The following SLC71A2 variants were observed in gnomAD, a reference collection of about 807,000 sequenced individuals.
The protein encoded by SLC71A2 is solute carrier family 71 member 2.
At chr9:94,429,301 T>G in the SLC71A2 span, 2 of 1,532,060 alleles carry the variant, frequency 1.3e-6, no homozygotes, top group Non-Finnish European at 1.8e-6. Context: ...TCAGGAATCC[T>G]TGGTAGTTTA....
chr9:94,438,587 C>T, the SLC71A2 span: 1 of 1,601,394 alleles, frequency 6.2e-7, no homozygotes. Flanking sequence ...GTAAATTATA[C>T]TTATATTTGC....
chr9:94,431,182 G>A, the SLC71A2 span, among the ~76,000 whole-genome samples: 5 of 152,090 alleles, frequency 3.3e-5, no homozygotes, highest in Admixed American at 2.0e-4. Context: ...TCGTGGTGGC[G>A]GGCCCCTGTA....
At chr9:94,454,368 ATT>A in the SLC71A2 span, among the ~76,000 whole-genome samples, 4 of 151,066 alleles carry the variant, frequency 2.6e-5, no homozygotes, top group Non-Finnish European at 5.9e-5. Context: ...GCATATGCCA[ATT>A]TTTTTTTCTT....
the SLC71A2 span, among the ~76,000 whole-genome samples, chr9:94,379,418 C>T: frequency 8.3e-6 from 1 of 119,906 alleles, no homozygotes; most frequent in Non-Finnish European, 1.9e-5. Flanking sequence ...GGTGAGGCCT[C>T]ACTCTGTCAT....
the SLC71A2 span, among the ~76,000 whole-genome samples, chr9:94,416,303 TC>T: frequency 6.6e-6 from 1 of 151,956 alleles, no homozygotes; most frequent in Non-Finnish European, 1.5e-5. Context: ...TTGCTTGAGC[TC>T]AGGAGTTCAA....
chr9:94,417,904 T>TAGAGTTC, the SLC71A2 span, among the ~76,000 whole-genome samples: 1 of 104,794 alleles, frequency 9.5e-6, no homozygotes, highest in Non-Finnish European at 1.8e-5. Context: ...TCACCCAGGC[T>TAGAGTTC]AGAGTTCAGT....
the SLC71A2 span, among the ~76,000 whole-genome samples, chr9:94,398,244 T>G: frequency 2.0e-5 from 3 of 149,960 alleles, no homozygotes; most frequent in African/African-American, 7.5e-5. Context: ...AAAACACTTA[T>G]GTTCCTGGAC....
chr9:94,459,509 G>C, the SLC71A2 span: 1 of 1,348,828 alleles, frequency 7.4e-7, no homozygotes, highest in Non-Finnish European at 1.0e-6. Flanking sequence ...GGAGACGCTA[G>C]CGGCATCCTT....
the SLC71A2 span, among the ~76,000 whole-genome samples, chr9:94,437,906 C>T: frequency 2.0e-4 from 30 of 146,414 alleles, 1 homozygote; most frequent in African/African-American, 6.1e-4. Context: ...AGAACATTTA[C>T]ATTTTTGGTT....
At chr9:94,404,182 C>T in the SLC71A2 span, among the ~76,000 whole-genome samples, 3 of 152,230 alleles carry the variant, frequency 2.0e-5, no homozygotes, top group Admixed American at 2.0e-4. Context: ...CCTGTTATAG[C>T]AGCACAAAAC....
At chr9:94,421,726 GT>G in the SLC71A2 span, among the ~76,000 whole-genome samples, 1 of 152,056 alleles carries the variant, frequency 6.6e-6, no homozygotes, top group Non-Finnish European at 1.5e-5. Flanking sequence ...GAACTTGATT[GT>G]TCCAGTTTGT....
At chr9:94,382,381 C>A in the SLC71A2 span, among the ~76,000 whole-genome samples, 1 of 151,236 alleles carries the variant, frequency 6.6e-6, no homozygotes, top group African/African-American at 2.4e-5. Context: ...CTGTTCTTGT[C>A]TTTTGCCTAT....
chr9:94,455,735 T>A, the SLC71A2 span, among the ~76,000 whole-genome samples: 17 of 152,158 alleles, frequency 1.1e-4, no homozygotes, highest in African/African-American at 3.6e-4. Context: ...AAGACTCTTA[T>A]TGAGAGGAGG....
the SLC71A2 span, among the ~76,000 whole-genome samples, chr9:94,403,093 T>G: frequency 6.6e-6 from 1 of 152,186 alleles, no homozygotes; most frequent in Non-Finnish European, 1.5e-5. Flanking sequence ...GTACCTCATA[T>G]AAGTGAAATT....
the SLC71A2 span, among the ~76,000 whole-genome samples, chr9:94,456,666 A>G: frequency 1.3e-5 from 2 of 152,218 alleles, no homozygotes; most frequent in Non-Finnish European, 2.9e-5. Flanking sequence ...ACAGATGTCT[A>G]TTAAATAATG....
the SLC71A2 span, among the ~76,000 whole-genome samples, chr9:94,440,713 T>C: frequency 2.2e-4 from 33 of 152,264 alleles, no homozygotes; most frequent in East Asian, 3.7e-3. Flanking sequence ...TTTAAAAATA[T>C]AACTTTTACC....
At chr9:94,403,050 T>C in the SLC71A2 span, among the ~76,000 whole-genome samples, 1 of 152,234 alleles carries the variant, frequency 6.6e-6, no homozygotes, top group African/African-American at 2.4e-5. Context: ...TAGTCACTAT[T>C]CTACTTACTG....
the SLC71A2 span, among the ~76,000 whole-genome samples, chr9:94,458,912 G>C: frequency 6.6e-6 from 1 of 152,194 alleles, no homozygotes; most frequent in Non-Finnish European, 1.5e-5. Flanking sequence ...GTAAACAGCT[G>C]TTGCTTACAA....
the SLC71A2 span, among the ~76,000 whole-genome samples, chr9:94,422,949 T>A: frequency 2.0e-5 from 3 of 151,402 alleles, no homozygotes; most frequent in Admixed American, 2.0e-4. Flanking sequence ...TTTTTTTTTT[T>A]TCTAGATGGA....
Sources: allele counts gnomAD v4.1 joint callset (sites outside exome capture counted in the v4.1 genomes callset), GRCh38; gene constraint gnomAD v4.1.1; transcripts MANE v1.5; gene names NCBI Gene and HGNC (gene_info 2026-07-23, HGNC 2026-07-21).